The following EYS variants were observed in gnomAD, a reference collection of about 807,000 sequenced individuals.
EYS encodes EGF-like photoreceptor maintenance factor, also known as protein eyes shut homolog.
Under a neutral mutation model 282.1 loss-of-function variants are expected in EYS, and 250 were observed. The observed-to-expected ratio is 0.89, with a 90% CI of 0.80 to 0.98. The LOEUF is 0.98. EYS is among the 50% of genes least tolerant of loss of function. The probability of loss-of-function intolerance (pLI) is 0.00; values close to 1 mark genes in which losing one functional copy is unlikely to be tolerated. For missense variants in EYS, 4,016 were observed against 3,709.0 expected (o/e 1.08, Z -2.15); for synonymous variants, 1,355 against 1,282.9 (o/e 1.06, Z -1.20).
chr6:64,896,660 G>A (rs892798370), intron 18 of EYS, among the ~76,000 whole-genome samples: 1 of 151,806 alleles, frequency 6.6e-6, no homozygotes, highest in Non-Finnish European at 1.5e-5. Context: ...TTGCTCAGCA[G>A]ATCCCACCCC....
At chr6:64,198,661 T>A (rs1322275040) in intron 31 of EYS, among the ~76,000 whole-genome samples, 1 of 152,178 alleles carries the variant, frequency 6.6e-6, no homozygotes, top group Non-Finnish European at 1.5e-5. Context: ...TGAACTAACC[T>A]TTTTTGTTGG....
In EYS at chr6:64,440,465, ATGTG is replaced by A. The variant is rs1180450416; in HGVS notation, c.5645-1117_5645-1114del. On this transcript the variant is annotated intron_variant, in intron 26 of 42. Transcript: ENST00000503581. ...TTTATAGACATAAAAGCATGAGTAT[ATGTG>A]TGTGTGTTTGTGTGTGTGTTTAATC... Among the ~76,000 whole-genome samples the A allele has an allele frequency of 4.0e-5, 6 of 151,858 alleles. No homozygotes were observed. In the East Asian group the frequency reaches 1.2e-3, roughly 29 times the overall value.
At chr6:64,774,791 A>C (rs905976219) in intron 22 of EYS, among the ~76,000 whole-genome samples, 1 of 151,868 alleles carries the variant, frequency 6.6e-6, no homozygotes, top group African/African-American at 2.4e-5. Context: ...TTTTGGGCCC[A>C]TCTTTCCCTG....
chr6:63,952,265 C>A (rs1383811945), intron 35 of EYS, among the ~76,000 whole-genome samples: 1 of 152,222 alleles, frequency 6.6e-6, no homozygotes, highest in African/African-American at 2.4e-5. Context: ...TGGGATCTCA[C>A]TGGAAATCGG....
intron 35 of EYS, among the ~76,000 whole-genome samples, chr6:63,922,332 G>A (rs796332812): frequency 6.6e-6 from 1 of 152,340 alleles, no homozygotes; most frequent in African/African-American, 2.4e-5. Flanking sequence ...GGAGGCCGAA[G>A]CAGGCAGATC....
At chr6:65,526,375 C>T (rs993702378) in intron 2 of EYS, among the ~76,000 whole-genome samples, 1 of 152,166 alleles carries the variant, frequency 6.6e-6, no homozygotes, top group Non-Finnish European at 1.5e-5. Context: ...TCCGAAATAT[C>T]TTAGAATATT....
chr6:65,675,787 T>C (rs1335473064), intron 1 of EYS, among the ~76,000 whole-genome samples: 3 of 151,884 alleles, frequency 2.0e-5, no homozygotes, highest in Non-Finnish European at 1.5e-5. Flanking sequence ...ACAAAACCAG[T>C]AGAATAAACA....
At chr6:63,950,612 A>G (rs1582017058) in intron 35 of EYS, among the ~76,000 whole-genome samples, 2 of 152,240 alleles carry the variant, frequency 1.3e-5, no homozygotes, top group South Asian at 4.1e-4. Flanking sequence ...CCTGACTTGG[A>G]TCAGGGGACC....
chr6:65,382,457 C>CTCTGTG (rs1722832173), intron 8 of EYS, among the ~76,000 whole-genome samples: 1 of 111,938 alleles, frequency 8.9e-6, no homozygotes, highest in Non-Finnish European at 1.9e-5. Flanking sequence ...CTCCTTTCCT[C>CTCTGTG]TGTGTGTGTG....
chr6:63,794,343 C>G (rs567990124), intron 37 of EYS, among the ~76,000 whole-genome samples: 1 of 152,236 alleles, frequency 6.6e-6, no homozygotes, highest in South Asian at 2.1e-4. Context: ...TAGTTAGCCT[C>G]TTGGGTCGGG....
chr6:65,580,549 T>C (rs374731595), intron 2 of EYS, among the ~76,000 whole-genome samples: 1 of 152,078 alleles, frequency 6.6e-6, no homozygotes, highest in South Asian at 2.1e-4. Context: ...AACTAATCAG[T>C]CATAGATAAA....
intron 2 of EYS, among the ~76,000 whole-genome samples, chr6:65,586,723 G>T (rs1765061518): frequency 6.6e-6 from 1 of 151,986 alleles, no homozygotes; most frequent in African/African-American, 2.4e-5. Context: ...AGAGAATAAA[G>T]AAATTTTGTA....
intron 24 of EYS, among the ~76,000 whole-genome samples, chr6:64,604,097 G>A (rs1766849774): frequency 6.6e-6 from 1 of 151,722 alleles, no homozygotes; most frequent in African/African-American, 2.4e-5. Flanking sequence ...TTCGCTCTCT[G>A]TATCTCTGTC....
intron 5 of EYS, among the ~76,000 whole-genome samples, chr6:65,453,315 C>A (rs984598362): frequency 5.9e-5 from 9 of 151,882 alleles, no homozygotes; most frequent in Non-Finnish European, 1.3e-4. Context: ...AGGAGGAACA[C>A]CAATAATCTC....
chr6:64,137,570 C>G (rs542209804), intron 31 of EYS, among the ~76,000 whole-genome samples: 2 of 151,950 alleles, frequency 1.3e-5, no homozygotes, highest in African/African-American at 2.4e-5. Context: ...TTGAATTGGC[C>G]TAATATCAGT....
At chr6:63,884,057 A>G (rs1188703403) in intron 35 of EYS, among the ~76,000 whole-genome samples, 1 of 152,238 alleles carries the variant, frequency 6.6e-6, no homozygotes, top group African/African-American at 2.4e-5. Context: ...AAGCTCCAGG[A>G]GAGCACAACC....
chr6:65,221,424 A>T (rs563077145), intron 12 of EYS, among the ~76,000 whole-genome samples: 11 of 152,356 alleles, frequency 7.2e-5, no homozygotes, highest in African/African-American at 2.6e-4. Context: ...AAAGGGGGCA[A>T]CATAGAGCTC....
At chr6:64,894,276 T>C in intron 18 of EYS, among the ~76,000 whole-genome samples, 1 of 152,078 alleles carries the variant, frequency 6.6e-6, no homozygotes, top group East Asian at 1.9e-4. Context: ...GGAATTGGGT[T>C]TCGTGATGTT....
intron 41 of EYS, chr6:63,744,125 C>T (rs1234864719): frequency 6.6e-6 from 1 of 152,262 alleles, no homozygotes; most frequent in South Asian, 2.1e-4. Context: ...AGTGGCTTCT[C>T]TTTTCTTTTT....
Sources: allele counts gnomAD v4.1 joint callset (sites outside exome capture counted in the v4.1 genomes callset), GRCh38; gene constraint gnomAD v4.1.1; transcripts MANE v1.5; gene names NCBI Gene and HGNC (gene_info 2026-07-23, HGNC 2026-07-21).